PLCB1: variants seen among roughly 807,000 people sequenced by gnomAD.
PLCB1 encodes phospholipase C beta 1.
Under a neutral mutation model 161.8 loss-of-function variants are expected in PLCB1, and 46 were observed. The observed-to-expected ratio is 0.28, with a 90% CI of 0.22 to 0.36. The LOEUF (loss-of-function observed/expected upper bound fraction) is 0.36, where lower values mean the gene tolerates loss of function less well. Among genes scored for constraint, PLCB1 ranks in the 10% least tolerant of loss-of-function variants. The probability of loss-of-function intolerance (pLI) is 1.00; values close to 1 mark genes in which losing one functional copy is unlikely to be tolerated. For missense variants in PLCB1, 1,016 were observed against 1,472.5 expected, an observed-to-expected ratio of 0.69 and a Z score of 5.07; for synonymous variants, 517 against 503.7, an observed-to-expected ratio of 1.03 and a Z score of -0.35.
chr20:8,464,715 T>G (rs530435909), intron 3 of PLCB1, among the ~76,000 whole-genome samples: 1 of 152,222 alleles, frequency 6.6e-6, no homozygotes, highest in East Asian at 1.9e-4. Flanking sequence ...ATAGAGAAGC[T>G]CACCACCTAG....
chr20:8,565,883 A>G (rs1986317699), intron 3 of PLCB1, among the ~76,000 whole-genome samples: 1 of 152,114 alleles, frequency 6.6e-6, no homozygotes, highest in Admixed American at 6.6e-5. Flanking sequence ...TTGCATTTGG[A>G]TGTCATTGCT....
intron 9 of PLCB1, among the ~76,000 whole-genome samples, chr20:8,660,391 A>C (rs1389077809): frequency 6.6e-6 from 1 of 152,178 alleles, no homozygotes; most frequent in Non-Finnish European, 1.5e-5. Flanking sequence ...ACACATTGTT[A>C]TAACAAATCC....
chr20:8,794,562 G>A (rs926293349), intron 31 of PLCB1, among the ~76,000 whole-genome samples: 9 of 152,070 alleles, frequency 5.9e-5, no homozygotes, highest in Non-Finnish European at 1.0e-4. Flanking sequence ...ATTTCTTCCT[G>A]TTCTTCCATT....
chr20:8,724,825 C>G, intron 16 of PLCB1, 73 bp downstream of exon 16: 1 of 816,954 alleles, frequency 1.2e-6, no homozygotes, highest in Non-Finnish European at 2.1e-6. Context: ...GTAATGGGAC[C>G]AAAGAATGTT....
intron 31 of PLCB1, among the ~76,000 whole-genome samples, chr20:8,818,105 G>T (rs1985163422): frequency 6.6e-6 from 1 of 152,120 alleles, no homozygotes; most frequent in South Asian, 2.1e-4. Flanking sequence ...AGGTACAGGA[G>T]ATTATCTGAA....
intron 1 of PLCB1, among the ~76,000 whole-genome samples, chr20:8,149,862 G>A (rs1172342892): frequency 6.6e-6 from 1 of 151,984 alleles, no homozygotes; most frequent in African/African-American, 2.4e-5. Flanking sequence ...TGGAAACAGT[G>A]ATGCTCAAAT....
intron 3 of PLCB1, among the ~76,000 whole-genome samples, chr20:8,410,002 TA>T (rs143253950): frequency 1.5e-4 from 23 of 151,034 alleles, no homozygotes; most frequent in East Asian, 7.8e-4. Context: ...TCCTGATAGC[TA>T]AAAAAAAATT....
intron 3 of PLCB1, among the ~76,000 whole-genome samples, chr20:8,465,730 C>T (rs1234810): frequency 4.6e-5 from 7 of 151,820 alleles, no homozygotes; most frequent in East Asian, 1.9e-4. Flanking sequence ...AAAATGCTCA[C>T]CATCACTGGC....
intron 2 of PLCB1, among the ~76,000 whole-genome samples, chr20:8,152,830 T>C (rs2051523066): frequency 6.6e-6 from 1 of 152,192 alleles, no homozygotes; most frequent in Non-Finnish European, 1.5e-5. Flanking sequence ...TGAGGCCTAG[T>C]CTGCTCAGAG....
rs71331325 is a variant in PLCB1 at position 8,681,076 on chromosome 20, A to ATGTGTGTGTGTG, written c.863-3845_863-3844insGTGTGTGTGTGT. Among the ~76,000 whole-genome samples, 26 of 83,546 alleles carry ATGTGTGTGTGTG rather than the reference A, an allele frequency of 3.1e-4. 1 individual carries two copies. Among genetic ancestry groups the ATGTGTGTGTGTG allele is most frequent in the South Asian group, 2.8e-3 (7 of 2,544 alleles). 54.8% of individuals were successfully genotyped at this position (83,546 alleles called of 152,430 possible). A position where few individuals can be genotyped will look rare whatever the true frequency, so the allele number is the denominator to read the frequency against. ...TACTTATATGTATATATGTGTGTAT[A>ATGTGTGTGTGTG]TGTGTGTGTGTATATATATATATAT... On this transcript the variant is annotated intron_variant, in intron 9 of 31. Transcript: ENST00000338037.
chr20:8,409,706 A>G (rs1041495616), intron 3 of PLCB1, among the ~76,000 whole-genome samples: 27 of 151,902 alleles, frequency 1.8e-4, no homozygotes, highest in African/African-American at 6.5e-4. Flanking sequence ...CAGGTGATCC[A>G]CCCACCTCAG....
chr20:8,226,217 T>A (rs544254756), intron 2 of PLCB1, among the ~76,000 whole-genome samples: 1 of 152,310 alleles, frequency 6.6e-6, no homozygotes, highest in East Asian at 1.9e-4. Context: ...CACTGTGAAC[T>A]CTGGCCCCAA....
Position 8,380,148 on chromosome 20 carries a change from A to G in PLCB1, c.246+8698A>G, listed in dbSNP as rs576659604. 2.9e-4 allele frequency among the ~76,000 whole-genome samples: 44 copies of G among 152,264 alleles called. No individual in the cohort carries two copies. In the East Asian group the frequency reaches 6.4e-3, roughly 22 times the overall value. ...TCTTGAGTTAATTTTTGTATAAGGTAGGAGGAAGGGATCAAGTTTCAGTTT... is the reference window on the plus strand; with the variant it reads ...TCTTGAGTTAATTTTTGTATAAGGTGGGAGGAAGGGATCAAGTTTCAGTTT... On this transcript the variant is annotated intron_variant, in intron 3 of 31. Coordinates refer to ENST00000338037, the MANE Select transcript of PLCB1 (RefSeq NM_015192.4).
chr20:8,765,760 T>G (rs1982282237), intron 26 of PLCB1, among the ~76,000 whole-genome samples: 1 of 152,006 alleles, frequency 6.6e-6, no homozygotes, highest in South Asian at 2.1e-4. Flanking sequence ...TCATCTCGGC[T>G]CACTGCAACT....
chr20:8,163,237 G>A (rs1263193069), intron 2 of PLCB1, among the ~76,000 whole-genome samples: 1 of 152,196 alleles, frequency 6.6e-6, no homozygotes, highest in Non-Finnish European at 1.5e-5. Context: ...CCATTGGAGA[G>A]CCCTGGGAGA....
At chr20:8,148,399 C>G (rs1280138148) in intron 1 of PLCB1, among the ~76,000 whole-genome samples, 1 of 152,080 alleles carries the variant, frequency 6.6e-6, no homozygotes, top group Non-Finnish European at 1.5e-5. Flanking sequence ...TTTTAAAATT[C>G]TAGCTGAAGT....
chr20:8,304,856 G>C (rs1207314094), intron 2 of PLCB1, among the ~76,000 whole-genome samples: 1 of 152,000 alleles, frequency 6.6e-6, no homozygotes, highest in Admixed American at 6.6e-5. Context: ...TGCTCACCAG[G>C]ATCTGAATCC....
rs6039141 is a variant in PLCB1 at position 8,334,065 on chromosome 20, C to T, written c.178-37317C>T. On this transcript the variant is annotated intron_variant, in intron 2 of 31. Transcript: ENST00000338037. The stretch of plus-strand genomic sequence containing the variant: ...TCTCTACTAAAAATACAAAATTGGC[C>T]GGGTGTGGTGGTGCATGCCTGTAAT... Among the ~76,000 whole-genome samples, 9 of 152,148 alleles carry T rather than the reference C, an allele frequency of 5.9e-5. 1 individual carries two copies. Among genetic ancestry groups the T allele is most frequent in the Middle Eastern group, 3.4e-3 (1 of 294 alleles).
intron 2 of PLCB1, among the ~76,000 whole-genome samples, chr20:8,271,517 G>A (rs985896082): frequency 6.6e-5 from 10 of 152,020 alleles, no homozygotes; most frequent in Non-Finnish European, 7.4e-5. Context: ...GTTCTTATTT[G>A]TTCCTCTCAT....
Sources: allele counts gnomAD v4.1 joint callset (sites outside exome capture counted in the v4.1 genomes callset), GRCh38; gene constraint gnomAD v4.1.1; transcripts MANE v1.5; gene names NCBI Gene and HGNC (gene_info 2026-07-23, HGNC 2026-07-21).